ALG8: variants seen among roughly 807,000 people sequenced by gnomAD.
ALG8 encodes the protein ALG8 alpha-1,3-glucosyltransferase.
ALG8 carries 48 observed loss-of-function variants against 70.2 expected under a neutral mutation model. The ratio of observed to expected loss-of-function variants is 0.68; its 90% CI spans 0.54 to 0.87. The LOEUF (loss-of-function observed/expected upper bound fraction) is 0.87. ALG8 is among the 40% of genes least tolerant of loss of function. The pLI, the probability that ALG8 is intolerant of heterozygous loss-of-function variation, is 0.00. For synonymous variants in ALG8, 234 were observed against 229.0 expected, an observed-to-expected ratio of 1.02 and a Z score of -0.20; for missense variants, 572 against 608.7, an observed-to-expected ratio of 0.94 and a Z score of 0.64.
chr11:78,139,354 G>C, intron 1 of ALG8, 140 bp downstream of exon 1: 1 of 868,330 alleles, frequency 1.2e-6, no homozygotes, highest in Non-Finnish European at 1.9e-6. Flanking sequence ...TGGCGAAACA[G>C]AAAGCTTAGC....
chr11:78,112,400 T>C (rs1860329319), intron 8 of ALG8: 1 of 443,052 alleles, frequency 2.3e-6, no homozygotes, highest in Non-Finnish European at 4.1e-6. Flanking sequence ...GTCTACATAT[T>C]TTATTTTTTC....
intron 8 of ALG8, among the ~76,000 whole-genome samples, chr11:78,110,183 CT>C (rs1197763229): frequency 9.3e-4 from 138 of 147,622 alleles, no homozygotes; most frequent in South Asian, 3.6e-3. Context: ...TGTGAGCTCA[CT>C]TTTTTTTTTT....
intron 4 of ALG8, 88 bp downstream of exon 4, chr11:78,120,977 T>G: frequency 1.6e-6 from 2 of 1,256,544 alleles, no homozygotes; most frequent in Admixed American, 1.7e-5. Context: ...GGAGCTCACA[T>G]CTCCAATCAT....
rs968885498 is a variant in ALG8 at position 78,114,317 on chromosome 11, C to G, written c.622G>C (p.Ala208Pro). The G allele has an allele frequency of 2.5e-6, 4 of 1,613,988 alleles. No individual in the cohort carries two copies. The African/African-American group carries it at 5.3e-5, about 22-fold the overall frequency. ...GATCGCAGCAGATATACACCATAAG[C>G]TGGTGCTACATAGAGGTAGATATGC... ...FKHIYLYVAP[A>P]YGVYLLRSYC... Residue 208 changes from alanine to proline, a missense_variant, in exon 6 of 13, where the codon GCT becomes CCT. Transcript: ENST00000299626.
intron 9 of ALG8, chr11:78,107,676 TA>T: frequency 5.9e-6 from 1 of 169,824 alleles, no homozygotes; most frequent in South Asian, 1.1e-4. Flanking sequence ...CCATCTCTAC[TA>T]AAAATACAAA....
intron 5 of ALG8, chr11:78,114,647 T>A: frequency 1.9e-6 from 1 of 518,696 alleles, no homozygotes; most frequent in East Asian, 3.7e-5. Flanking sequence ...AAAGCTAAAA[T>A]TATCCTACAA....
At chr11:78,116,538 C>A (rs752925077) in intron 5 of ALG8, among the ~76,000 whole-genome samples, 2 of 151,810 alleles carry the variant, frequency 1.3e-5, no homozygotes, top group Admixed American at 6.6e-5. Flanking sequence ...GCTAACATGG[C>A]GAAACCCCGT....
chr11:78,113,343 T>C (rs565202597), intron 7 of ALG8, among the ~76,000 whole-genome samples: 1 of 152,222 alleles, frequency 6.6e-6, no homozygotes, highest in African/African-American at 2.4e-5. Flanking sequence ...TGTTTGTGTA[T>C]GTGTAATGTA....
intron 1 of ALG8, among the ~76,000 whole-genome samples, chr11:78,132,514 G>A (rs484747): frequency 0.22 from 33,148 of 152,014 alleles, 4,468 homozygotes; most frequent in African/African-American, 0.38. Context: ...TATAAGCTCC[G>A]GCATGATTTG....
At chr11:78,110,801 C>A (rs777569820) in intron 8 of ALG8, among the ~76,000 whole-genome samples, 7 of 152,288 alleles carry the variant, frequency 4.6e-5, no homozygotes, top group Admixed American at 3.9e-4. Context: ...TTACTAACCT[C>A]TTCCCCTTTC....
Position 78,113,902 on chromosome 11 carries a change from C to T in ALG8, c.761G>A (p.Gly254Asp), listed in dbSNP as rs1829232162. 3 of 1,550,106 alleles carry T rather than the reference C, an allele frequency of 1.9e-6. No individual in the cohort carries two copies. The highest frequency in any genetic ancestry group is 2.6e-6 in the Non-Finnish European group (3 of 1,152,894). ...VVFLVSALSL[G>D]PFLALNQLPQ... ...AAGGCTTACCAAGGCCAGGAAAGGA[C>T]CCAATGAAAGAGCAGAAACTAAGAA... Residue 254 changes from glycine to aspartate, a missense_variant, in exon 7 of 13, where the codon GGT (glycine) becomes GAT (aspartate). Gly to Asp is a moderately conservative substitution (Grantham distance 94). Coordinates refer to ENST00000299626, the MANE Select transcript of ALG8 (RefSeq NM_024079.5).
chr11:78,128,533 G>C (rs980651157), intron 1 of ALG8, among the ~76,000 whole-genome samples: 1 of 151,720 alleles, frequency 6.6e-6, no homozygotes, highest in Admixed American at 6.6e-5. Flanking sequence ...CCCTTTTTAC[G>C]CAACTTATTC....
chr11:78,109,858 C>T (rs769564141), intron 8 of ALG8, among the ~76,000 whole-genome samples: 12 of 152,194 alleles, frequency 7.9e-5, no homozygotes, highest in Non-Finnish European at 1.5e-4. Context: ...TCTGCTCTCA[C>T]CTCTGAAAGC....
At chr11:78,120,093 A>C (rs613082) in intron 4 of ALG8, among the ~76,000 whole-genome samples, 33,001 of 151,758 alleles carry the variant, frequency 0.22, 4,447 homozygotes, top group African/African-American at 0.38. Flanking sequence ...CAGAGCAAGA[A>C]TGTCTCAAAT....
At chr11:78,135,755 G>A (rs1861516707) in intron 1 of ALG8, among the ~76,000 whole-genome samples, 1 of 151,940 alleles carries the variant, frequency 6.6e-6, no homozygotes, top group African/African-American at 2.4e-5. Flanking sequence ...GGCTGAAGCA[G>A]GAGAATCACT....
chr11:78,134,645 T>C (rs967783828), intron 1 of ALG8, among the ~76,000 whole-genome samples: 1 of 152,240 alleles, frequency 6.6e-6, no homozygotes, highest in African/African-American at 2.4e-5. Context: ...TCCTTTGTTG[T>C]CATTTCAACA....
At chr11:78,103,475 A>G (rs1414346814) in intron 12 of ALG8, 1 of 152,852 alleles carries the variant, frequency 6.5e-6, no homozygotes, top group Non-Finnish European at 1.5e-5. Flanking sequence ...CAAAAAAAAA[A>G]AAATTAGCTG....
intron 5 of ALG8, chr11:78,114,774 TG>T: frequency 4.7e-6 from 2 of 422,420 alleles, no homozygotes; most frequent in South Asian, 1.7e-5. Context: ...AAGACCAGCC[TG>T]GACAAAATAG....
In ALG8 at chr11:78,109,458, G is replaced by T. The variant is rs1279760092; in HGVS notation, c.1022C>A (p.Thr341Lys). The T allele has an allele frequency of 6.2e-7, 1 of 1,614,040 alleles. No individual in the cohort carries two copies. The highest frequency in any genetic ancestry group is 1.3e-5 in the African/African-American group (1 of 74,920). Residue 341 changes from threonine (T) to lysine (K), a missense_variant, in exon 9 of 13, where the codon ACA becomes AAA. Thr to Lys is a moderately conservative substitution (Grantham distance 78). Coordinates refer to ENST00000299626, the MANE Select transcript of ALG8 (RefSeq NM_024079.5). ...SVTPLATLIC[T>K]LIAILPSIFC... is the part of the protein sequence containing the mutation. ...AGTTCTTACCAATATGGCAATCAGT[G>T]TGCAGATGAGGGTTGCCAAGGGAGT...
Sources: gnomAD v4.1 joint callset for allele counts (sites outside exome capture counted in the v4.1 genomes callset) on GRCh38, gnomAD v4.1.1 for gene constraint, MANE v1.5 for transcripts, NCBI Gene and HGNC (gene_info 2026-07-23, HGNC 2026-07-21) for gene names.